C12orf42: variants seen among roughly 807,000 people sequenced by gnomAD.
C12orf42 encodes the protein uncharacterized protein C12orf42.
In C12orf42, 25 loss-of-function variants were observed where a neutral mutation model predicts 21.6. The ratio of observed to expected loss-of-function variants is 1.16; its 90% CI spans 0.84 to 1.62. The LOEUF (loss-of-function observed/expected upper bound fraction) is 1.62. C12orf42 is among the 40% of genes most tolerant of loss of function. The pLI, the probability that C12orf42 is intolerant of heterozygous loss-of-function variation, is 0.00. For missense variants in C12orf42, 483 were observed against 459.3 expected, an observed-to-expected ratio of 1.05 and a Z score of -0.47; for synonymous variants, 174 against 175.0, an observed-to-expected ratio of 0.99 and a Z score of 0.05.
chr12:103,090,336 T>A, the C12orf42 span, among the ~76,000 whole-genome samples: 3 of 152,246 alleles, frequency 2.0e-5, no homozygotes, highest in South Asian at 6.2e-4. Context: ...CACCACCGAA[T>A]TAAATGCTGA....
chr12:103,273,740 AAGG>A (rs1044641690), intron 5 of C12orf42: 9 of 426,872 alleles, frequency 2.1e-5, no homozygotes, highest in Non-Finnish European at 4.3e-5. Flanking sequence ...GAAGAAGGAA[AAGG>A]AGGAGGAGAA....
chr12:103,167,216 C>A, the C12orf42 span, among the ~76,000 whole-genome samples: 1 of 152,166 alleles, frequency 6.6e-6, no homozygotes, highest in Non-Finnish European at 1.5e-5. Context: ...GTACTACAGA[C>A]CTTCAAACCC....
the C12orf42 span, among the ~76,000 whole-genome samples, chr12:103,136,470 C>A: frequency 6.6e-6 from 1 of 152,108 alleles, no homozygotes; most frequent in Non-Finnish European, 1.5e-5. Context: ...CCATGGCAAT[C>A]TATAGATTCA....
At chr12:103,471,136 C>T (rs1010832738) in intron 2 of C12orf42, among the ~76,000 whole-genome samples, 2 of 152,194 alleles carry the variant, frequency 1.3e-5, no homozygotes, top group Non-Finnish European at 2.9e-5. Flanking sequence ...CCTTACTCAA[C>T]TTGTGGGCTA....
intron 5 of C12orf42, among the ~76,000 whole-genome samples, chr12:103,303,408 C>T (rs2037946024): frequency 6.6e-6 from 1 of 151,990 alleles, no homozygotes; most frequent in Non-Finnish European, 1.5e-5. Flanking sequence ...TTGACCTACA[C>T]AAATTAAAAT....
chr12:103,079,307 A>G, the C12orf42 span, among the ~76,000 whole-genome samples: 2 of 152,192 alleles, frequency 1.3e-5, no homozygotes, highest in African/African-American at 4.8e-5. Flanking sequence ...GAAATAAGCT[A>G]TCAGGGCTGA....
At chr12:103,294,616 G>T (rs542975115) in intron 4 of C12orf42, among the ~76,000 whole-genome samples, 6 of 137,214 alleles carry the variant, frequency 4.4e-5, no homozygotes, top group Non-Finnish European at 7.8e-5. Flanking sequence ...AAGAAAGAAA[G>T]AAAGAAAGAA....
intron 2 of C12orf42, among the ~76,000 whole-genome samples, chr12:103,444,696 T>C (rs1951468977): frequency 6.6e-6 from 1 of 152,130 alleles, no homozygotes; most frequent in South Asian, 2.1e-4. Context: ...TTTCTCCATA[T>C]AAGATTGTAC....
At chr12:103,053,508 C>T in the C12orf42 span, among the ~76,000 whole-genome samples, 20 of 151,930 alleles carry the variant, frequency 1.3e-4, no homozygotes, top group Non-Finnish European at 1.5e-5. Context: ...AGTCCTTTCT[C>T]AAATACATGG....
At chr12:103,089,619 C>CTGTGTGTG in the C12orf42 span, among the ~76,000 whole-genome samples, 712 of 145,584 alleles carry the variant, frequency 4.9e-3, 2 homozygotes, top group Non-Finnish European at 7.1e-3. Flanking sequence ...GTGTGTGTGT[C>CTGTGTGTG]TGTGTGTGTG....
At chr12:103,479,894 T>C (rs1954341367) in intron 1 of C12orf42, among the ~76,000 whole-genome samples, 1 of 152,046 alleles carries the variant, frequency 6.6e-6, no homozygotes, top group Non-Finnish European at 1.5e-5. Flanking sequence ...ACAAGTGAAA[T>C]TGCCTTTTTC....
chr12:103,067,006 G>A, the C12orf42 span, among the ~76,000 whole-genome samples: 517 of 152,252 alleles, frequency 3.4e-3, 3 homozygotes, highest in Non-Finnish European at 5.5e-3. Context: ...ATGGACTTCC[G>A]CTCACTAAGG....
the C12orf42 span, among the ~76,000 whole-genome samples, chr12:103,110,503 G>C: frequency 1.3e-5 from 2 of 152,110 alleles, no homozygotes; most frequent in Non-Finnish European, 2.9e-5. Context: ...TAAAACAAAA[G>C]CTCTGAAGCA....
At chr12:103,423,948 T>C (rs893778832) in intron 2 of C12orf42, among the ~76,000 whole-genome samples, 3 of 152,262 alleles carry the variant, frequency 2.0e-5, no homozygotes, top group Non-Finnish European at 4.4e-5. Flanking sequence ...TTTATTCAAC[T>C]CTATTACCTG....
At chr12:103,227,772 C>A in the C12orf42 span, among the ~76,000 whole-genome samples, 4 of 152,182 alleles carry the variant, frequency 2.6e-5, 1 homozygote, top group South Asian at 8.3e-4. Context: ...CAAGGGAAGC[C>A]TGCCTTCCCA....
chr12:103,457,025 A>G (rs1952342957), intron 2 of C12orf42, among the ~76,000 whole-genome samples: 1 of 152,174 alleles, frequency 6.6e-6, no homozygotes, highest in Non-Finnish European at 1.5e-5. Context: ...TAAATAACCC[A>G]TGCATAATAG....
At chr12:103,236,809 T>A (rs1037123481), downstream of C12orf42, among the ~76,000 whole-genome samples, 2 of 152,218 alleles carry the variant, frequency 1.3e-5, no homozygotes, top group African/African-American at 4.8e-5. Context: ...CATGCTTTTG[T>A]GTTGTGAATT....
intron 10 of C12orf42, among the ~76,000 whole-genome samples, chr12:103,238,509 T>C (rs1017246455): frequency 2.0e-5 from 3 of 152,190 alleles, no homozygotes; most frequent in Non-Finnish European, 4.4e-5. Context: ...TGGGCACCAC[T>C]GGACCAGAGA....
chr12:103,213,032 T>C, the C12orf42 span, among the ~76,000 whole-genome samples: 2 of 152,076 alleles, frequency 1.3e-5, no homozygotes, highest in Admixed American at 6.6e-5. Flanking sequence ...TCTACAATAA[T>C]GAAAATACTA....
Sources: allele counts gnomAD v4.1 joint callset (sites outside exome capture counted in the v4.1 genomes callset), GRCh38; gene constraint gnomAD v4.1.1; transcripts MANE v1.5; gene names NCBI Gene and HGNC (gene_info 2026-07-23, HGNC 2026-07-21).